BBOF1: variants seen among roughly 807,000 people sequenced by gnomAD.
The protein encoded by BBOF1 is basal body-orientation factor 1.
BBOF1 carries 62 observed loss-of-function variants against 68.0 expected under a neutral mutation model. That is an observed-to-expected ratio of 0.91 (90% CI 0.74 to 1.13). The LOEUF (loss-of-function observed/expected upper bound fraction) is 1.13, where lower values mean the gene tolerates loss of function less well. Among genes scored for constraint, BBOF1 ranks in the 50% most tolerant of loss-of-function variants. BBOF1 has a pLI of 0.00. For synonymous variants in BBOF1, 208 were observed against 198.8 expected, an observed-to-expected ratio of 1.05 and a Z score of -0.39; for missense variants, 534 against 600.1, an observed-to-expected ratio of 0.89 and a Z score of 1.15.
chr14:74,031,299 G>A (rs987762760), intron 3 of BBOF1, among the ~76,000 whole-genome samples: 1 of 152,004 alleles, frequency 6.6e-6, no homozygotes, highest in African/African-American at 2.4e-5. Context: ...TTTTTGTAGA[G>A]ATGGGGTCTC....
chr14:74,048,887 G>A (rs930924938), intron 7 of BBOF1, among the ~76,000 whole-genome samples: 1 of 152,094 alleles, frequency 6.6e-6, no homozygotes, highest in Non-Finnish European at 1.5e-5. Context: ...TATAGAGAGA[G>A]AGAGAAAGAC....
chr14:74,047,568 CGACA>C (rs1214687300), intron 6 of BBOF1, among the ~76,000 whole-genome samples: 3 of 151,862 alleles, frequency 2.0e-5, no homozygotes, highest in African/African-American at 7.3e-5. Context: ...TGAGTAGCTG[CGACA>C]GACTACAGGT....
chr14:74,068,827 CA>C, downstream of BBOF1: 1 of 1,612,466 alleles, frequency 6.2e-7, no homozygotes, highest in Non-Finnish European at 8.5e-7. Context: ...ATATATAGAA[CA>C]AAGATTGGAG....
At position 74,064,760 on chromosome 14, in the gene BBOF1, T is replaced by C; in HGVS notation, c.*61T>C. 1 of 1,611,394 alleles carries C rather than the reference T, an allele frequency of 6.2e-7. No individual in the cohort carries two copies. The highest frequency in any genetic ancestry group is 1.1e-5 in the South Asian group (1 of 91,022). On this transcript the variant is annotated 3_prime_UTR_variant, in exon 12 of 12. Transcript: ENST00000394009. ...AGTCCCTTCCTTGCAGAATCCTTGCTCCTGAATATCTTTAAGAAAATTTCT... is the reference window on the plus strand; with the variant it reads ...AGTCCCTTCCTTGCAGAATCCTTGCCCCTGAATATCTTTAAGAAAATTTCT...
Position 74,049,587 on chromosome 14 carries a change from A to G in BBOF1, c.793-115A>G, listed in dbSNP as rs2060021180. On this transcript the variant is annotated intron_variant, in intron 7 of 11. Coordinates refer to ENST00000394009, the MANE Select transcript of BBOF1 (RefSeq NM_025057.3). The stretch of plus-strand genomic sequence containing the variant: ...TGAGGTAGGAGAATTGCTTGAACCC[A>G]GGAGATGGAGGTTGCAGTGAGCTGA... 7 of 846,732 alleles carry G rather than the reference A, an allele frequency of 8.3e-6. No homozygotes were observed. The East Asian group carries it at 1.1e-4, about 13-fold the overall frequency. 52.5% of individuals were successfully genotyped at this position (846,732 alleles called of 1,614,324 possible).
chr14:74,079,735 T>A (rs1175050698), intron 10 of BBOF1, among the ~76,000 whole-genome samples: 1 of 152,108 alleles, frequency 6.6e-6, no homozygotes, highest in Non-Finnish European at 1.5e-5. Context: ...CCTGGCCTAA[T>A]TTTTTGTATT....
chr14:74,051,795 C>T (rs1271393032), intron 8 of BBOF1, among the ~76,000 whole-genome samples: 1 of 151,666 alleles, frequency 6.6e-6, no homozygotes, highest in African/African-American at 2.4e-5. Flanking sequence ...AAAAGGACTG[C>T]AGCCTGGAAC....
intron 2 of BBOF1, among the ~76,000 whole-genome samples, chr14:74,028,866 G>T (rs990957578): frequency 6.6e-6 from 1 of 151,826 alleles, no homozygotes; most frequent in Non-Finnish European, 1.5e-5. Context: ...GTGCCACCAC[G>T]CCTGGCTAAT....
At chr14:74,078,408 C>G in intron 10 of BBOF1, 1 of 352,904 alleles carries the variant, frequency 2.8e-6, no homozygotes, top group Non-Finnish European at 5.6e-6. Flanking sequence ...GGCTGGAATG[C>G]AGTGGCATGA....
intron 11 of BBOF1, chr14:74,058,226 C>T (rs1194750608): frequency 3.3e-5 from 5 of 152,230 alleles, no homozygotes; most frequent in African/African-American, 9.7e-5. Context: ...ACTCGGGAGA[C>T]TGAGGCAGGA....
intron 4 of BBOF1, among the ~76,000 whole-genome samples, chr14:74,038,807 C>T (rs1473532249): frequency 1.3e-5 from 2 of 151,982 alleles, no homozygotes; most frequent in Non-Finnish European, 2.9e-5. Flanking sequence ...AGTTCAAGAC[C>T]AGCCTAGGCA....
At position 74,019,386 on chromosome 14, in the gene BBOF1, G is replaced by C; in HGVS notation, c.-93G>C. 4.7e-6 allele frequency: 7 copies of C among 1,483,198 alleles called. No homozygotes were observed. The highest frequency in any genetic ancestry group is 6.3e-6 in the Non-Finnish European group (7 of 1,110,724). The allele number at this position is 1,483,198 out of a possible 1,614,324, so 91.9% of individuals were successfully genotyped here. Reference sequence around the variant, plus strand: ...CCGTCAGCGGCGCGGGTGGGGCATTGCCAGCTCGGCGTCCCGGTTCCCTTG... The same window carrying C: ...CCGTCAGCGGCGCGGGTGGGGCATTCCCAGCTCGGCGTCCCGGTTCCCTTG... On this transcript the variant is annotated 5_prime_UTR_variant, in exon 1 of 12. Transcript: ENST00000394009.
chr14:74,022,255 G>T (rs532693977), intron 1 of BBOF1, among the ~76,000 whole-genome samples: 1 of 152,038 alleles, frequency 6.6e-6, no homozygotes, highest in South Asian at 2.1e-4. Flanking sequence ...AAATGAAAAG[G>T]TATAAAAACT....
At chr14:74,033,093 A>G (rs949263150) in intron 3 of BBOF1, among the ~76,000 whole-genome samples, 3 of 151,948 alleles carry the variant, frequency 2.0e-5, no homozygotes, top group Admixed American at 1.3e-4. Context: ...CTCCTAGCCA[A>G]TTAATTTTAA....
intron 3 of BBOF1, among the ~76,000 whole-genome samples, chr14:74,029,566 C>T (rs1489842109): frequency 6.6e-6 from 1 of 151,852 alleles, no homozygotes; most frequent in African/African-American, 2.4e-5. Flanking sequence ...CTTATAATCC[C>T]AGCTACTCGG....
Position 74,064,797 on chromosome 14 carries a change from A to T in BBOF1, c.*98A>T. 6.2e-7 allele frequency: 1 copy of T among 1,613,166 alleles called. No individual in the cohort carries two copies. The highest frequency in any genetic ancestry group is 8.5e-7 in the Non-Finnish European group (1 of 1,179,074). On this transcript the variant is annotated 3_prime_UTR_variant, in exon 12 of 12. Coordinates refer to ENST00000394009, the MANE Select transcript of BBOF1 (RefSeq NM_025057.3). ...TTAAGAAAATTTCTTAAAGGAAAAG[A>T]CAAAAAATTTAACTCAAAAGTTACC...
rs867830976 is a variant in BBOF1, at chr14:74,055,670, A to G, written c.1373A>G (p.Asn458Ser). The G allele has an allele frequency of 6.2e-6, 10 of 1,613,298 alleles. No individual in the cohort carries two copies. Among genetic ancestry groups the G allele is most frequent in the Middle Eastern group, 3.3e-4 (2 of 6,060 alleles). The change falls in exon 9 of 12, where the codon AAT becomes AGT. Residue 458 changes from asparagine to serine, a missense_variant. Coordinates refer to ENST00000394009, the MANE Select transcript of BBOF1 (RefSeq NM_025057.3). ...TTGCGATTGCTCTTTGCAAAAATGAATGGCTGTCCTTCTAGGTAACTCCCT... is the reference window on the plus strand; with the variant it reads ...TTGCGATTGCTCTTTGCAAAAATGAGTGGCTGTCCTTCTAGGTAACTCCCT... Reference protein sequence around the residue: ...KVLRLLFAKMNGCPSRKYNQS... With the variant: ...KVLRLLFAKMSGCPSRKYNQS...
chr14:74,059,272 G>T (rs536188704), intron 11 of BBOF1: 3 of 395,100 alleles, frequency 7.6e-6, no homozygotes, highest in African/African-American at 6.3e-5. Flanking sequence ...CAAGAGAAAA[G>T]AATATATAAA....
chr14:74,030,101 A>G (rs1216564158), intron 3 of BBOF1, among the ~76,000 whole-genome samples: 7 of 152,210 alleles, frequency 4.6e-5, no homozygotes, highest in Admixed American at 4.6e-4. Context: ...ATCTATGATA[A>G]AATTGCAAGG....
Sources: allele counts gnomAD v4.1 joint callset (sites outside exome capture counted in the v4.1 genomes callset), GRCh38; gene constraint gnomAD v4.1.1; transcripts MANE v1.5; gene names NCBI Gene and HGNC (gene_info 2026-07-23, HGNC 2026-07-21).